GJB6: variants seen among roughly 807,000 people sequenced by gnomAD.
The protein encoded by GJB6 is gap junction protein beta 6.
A neutral mutation model predicts 5.4 loss-of-function variants in GJB6; 5 were observed. The ratio of observed to expected loss-of-function variants is 0.92; its 90% CI spans 0.48 to 1.93. The LOEUF (loss-of-function observed/expected upper bound fraction) is 1.93. GJB6 is among the 30% of genes most tolerant of loss of function. The pLI is 0.01. For synonymous variants in GJB6, 136 were observed against 129.6 expected (o/e 1.05, Z -0.34); for missense variants, 298 against 326.9 (o/e 0.91, Z 0.68).
At chr13:20,231,074 AACAGACAAAGCTCTCC>A (rs1870050795) in intron 2 of GJB6, 2 of 152,326 alleles carry the variant, frequency 1.3e-5, no homozygotes, top group African/African-American at 4.8e-5. Context: ...GGATCCAAAC[AACAGACAAAGCTCTCC>A]ACAGGAGCAG....
intron 4 of GJB6, among the ~76,000 whole-genome samples, chr13:20,227,966 G>A (rs1264113822): frequency 6.6e-6 from 1 of 151,878 alleles, no homozygotes; most frequent in East Asian, 1.9e-4. Flanking sequence ...CTGCAGAGGG[G>A]CCCAGAGGAA....
rs1869945343 is a variant in GJB6, at chr13:20,229,752, G to A, written c.-185-3C>T. ...TGCTCGGTCAGTGAGGATGTCGCCT[G>A]TTGAGGGAAAAATAGTAGCTGTTGC... On this transcript the variant is annotated splice_region_variant and splice_polypyrimidine_tract_variant and intron_variant, in intron 3 of 4. Transcript: ENST00000647029. 1 of 149,222 alleles carries A rather than the reference G, an allele frequency of 6.7e-6. No homozygotes were observed. The highest frequency in any genetic ancestry group is 1.5e-5 in the Non-Finnish European group (1 of 67,588). 9.2% of individuals were successfully genotyped at this position (149,222 alleles called of 1,614,324 possible). A position where few individuals can be genotyped will look rare whatever the true frequency, so the allele number is the denominator to read the frequency against.
intron 4 of GJB6, among the ~76,000 whole-genome samples, chr13:20,227,342 A>G (rs1337251344): frequency 2.0e-5 from 3 of 152,194 alleles, no homozygotes; most frequent in Non-Finnish European, 2.9e-5. Context: ...AAGAAAAGTA[A>G]AGGAGATGCC....
At chr13:20,228,827 G>C (rs1175806766) in intron 4 of GJB6, among the ~76,000 whole-genome samples, 2 of 151,982 alleles carry the variant, frequency 1.3e-5, no homozygotes, top group Non-Finnish European at 2.9e-5. Context: ...GAAATATCTA[G>C]CTCTAAAAAT....
chr13:20,225,915 T>A (rs1208147140), intron 4 of GJB6, among the ~76,000 whole-genome samples: 1 of 152,196 alleles, frequency 6.6e-6, no homozygotes, highest in Non-Finnish European at 1.5e-5. Context: ...ATATCAGTAT[T>A]CCTTAGGAGG....
chr13:20,228,710 T>G (rs969347753), intron 4 of GJB6, among the ~76,000 whole-genome samples: 4 of 150,904 alleles, frequency 2.7e-5, no homozygotes, highest in Admixed American at 1.3e-4. Flanking sequence ...GGTCTCGATC[T>G]CCTGACCTCA....
intron 4 of GJB6, among the ~76,000 whole-genome samples, chr13:20,224,407 C>G (rs963460910): frequency 2.0e-5 from 3 of 152,192 alleles, no homozygotes; most frequent in African/African-American, 7.2e-5. Flanking sequence ...AAAGCCTCTT[C>G]TAAAAGAGAT....
chr13:20,223,132 C>G lies in GJB6; in HGVS notation c.349G>C (p.Asp117His), dbSNP rs757539461. Residue 117 changes from aspartate to histidine, a missense_variant, in exon 5 of 5, where the codon GAC (aspartate) becomes CAC (histidine). Transcript: ENST00000647029. Reference protein sequence around the residue: ...RRGEKRNDFKDIEDIKKQKVR... With the variant: ...RRGEKRNDFKHIEDIKKQKVR... The stretch of plus-strand genomic sequence containing the variant: ...TTCTGCTTTTTAATGTCCTCTATGT[C>G]TTTGAAATCATTCCTCTTCTCTCCT... 8 of 1,613,940 alleles carry G rather than the reference C, an allele frequency of 5.0e-6. No individual in the cohort carries two copies. Among genetic ancestry groups the G allele is most frequent in the Non-Finnish European group, 4.2e-6 (5 of 1,179,914 alleles).
intron 2 of GJB6, 183 bp from the exon 3 acceptor site, chr13:20,230,990 G>T (rs1361115834): frequency 6.6e-6 from 1 of 152,246 alleles, no homozygotes; most frequent in African/African-American, 2.4e-5. Flanking sequence ...ACAGGCTAGA[G>T]CCCTGGTGTT....
rs1869874003 is a variant in GJB6, at chr13:20,229,150, A to AAAAAAAAAT, written c.-16+429_-16+430insATTTTTTTT. ...AAAAAAAAAAAAAAAAAAAAAAAAA[A>AAAAAAAAAT]TTTTTTTTTTTTTTTTTAGACAGAG... On this transcript the variant is annotated intron_variant, in intron 4 of 4. Coordinates refer to ENST00000647029, the MANE Select transcript of GJB6 (RefSeq NM_001110219.3). Among the ~76,000 whole-genome samples the AAAAAAAAAT allele has an allele frequency of 2.0e-3, 124 of 62,186 alleles. 3 individuals carry two copies. The highest frequency in any genetic ancestry group is 9.2e-3 in the African/African-American group (115 of 12,548). The allele number at this position is 62,186 out of a possible 152,430, so 40.8% of individuals were successfully genotyped here.
chr13:20,230,751 T>C lies in GJB6; in HGVS notation c.-239A>G, dbSNP rs916338178. The C allele has an allele frequency of 6.6e-6, 1 of 152,378 alleles. No individual in the cohort carries two copies. Among genetic ancestry groups the C allele is most frequent in the African/African-American group, 2.4e-5 (1 of 41,590 alleles). The allele number at this position is 152,378 out of a possible 1,614,324, so 9.4% of individuals were successfully genotyped here. On this transcript the variant is annotated 5_prime_UTR_variant, in exon 3 of 5. Transcript: ENST00000647029. ...CATGAAGAGGGCGTACAAGTTAGAA[T>C]TTTTCTTTCGCCATACAGAAATTGT...
At position 20,222,321 on chromosome 13, in the gene GJB6, A is replaced by G. The variant is rs550490458; in HGVS notation, c.*374T>C. ...ATATAAATTCAAAGTCAGAACTAAA[A>G]ACATCCAAGCCTATAAAAATATCTT... is the stretch of plus-strand genomic sequence containing the variant. On this transcript the variant is annotated 3_prime_UTR_variant, in exon 5 of 5. Transcript: ENST00000647029. 2.6e-5 allele frequency: 5 copies of G among 191,822 alleles called. No individual in the cohort carries two copies. Among genetic ancestry groups the G allele is most frequent in the Admixed American group, 1.6e-4 (3 of 18,650 alleles). 11.9% of individuals were successfully genotyped at this position (191,822 alleles called of 1,614,324 possible).
intron 1 of GJB6, 31 bp downstream of exon 1, chr13:20,232,163 C>CG (rs993397521): frequency 1.3e-5 from 2 of 152,114 alleles, no homozygotes; most frequent in Non-Finnish European, 2.9e-5. Flanking sequence ...GCTCGCCCCC[C>CG]GCAAGACCCA....
In GJB6 at chr13:20,222,587, A is replaced by T. The variant is rs879586216; in HGVS notation, c.*108T>A. On this transcript the variant is annotated 3_prime_UTR_variant, in exon 5 of 5. Transcript: ENST00000647029. Reference sequence around the variant, plus strand: ...AACTCAAGTGTCTATTTATTATGAAAGTCATTTACAAACTCTTCAGGCTAC... The same window carrying T: ...AACTCAAGTGTCTATTTATTATGAATGTCATTTACAAACTCTTCAGGCTAC... 4.5e-6 allele frequency: 4 copies of T among 882,342 alleles called. No homozygotes were observed. The highest frequency in any genetic ancestry group is 5.7e-6 in the Non-Finnish European group (3 of 527,744). 54.7% of individuals were successfully genotyped at this position (882,342 alleles called of 1,614,324 possible).
chr13:20,226,318 G>T (rs976693857), intron 4 of GJB6, among the ~76,000 whole-genome samples: 6 of 151,792 alleles, frequency 4.0e-5, no homozygotes, highest in South Asian at 2.1e-4. Flanking sequence ...AAATTGAAAT[G>T]GGCTACCCTT....
chr13:20,228,773 C>T (rs529907064), intron 4 of GJB6, among the ~76,000 whole-genome samples: 54 of 152,044 alleles, frequency 3.6e-4, no homozygotes, highest in Non-Finnish European at 6.3e-4. Flanking sequence ...CATGAGCCAC[C>T]GCGCCCGGCC....
In GJB6 at chr13:20,229,348, G is replaced by A. The variant is rs1198606873; in HGVS notation, c.-16+232C>T. ...TTTTTTTTTTTTTTTTTTTTTTTTA[G>A]TAGTGACAGGGTTTTGCCACCTTGG... On this transcript the variant is annotated intron_variant, in intron 4 of 4. Coordinates refer to ENST00000647029, the MANE Select transcript of GJB6 (RefSeq NM_001110219.3). Among the ~76,000 whole-genome samples the A allele has an allele frequency of 5.2e-3, 333 of 63,726 alleles. 2 individuals are homozygous for A. The highest frequency in any genetic ancestry group is 0.018 in the African/African-American group (312 of 16,894). 41.8% of individuals were successfully genotyped at this position (63,726 alleles called of 152,430 possible). A position where few individuals can be genotyped will look rare whatever the true frequency, so the allele number is the denominator to read the frequency against.
At chr13:20,229,242 C>T (rs1472931868) in intron 4 of GJB6, among the ~76,000 whole-genome samples, 4 of 148,274 alleles carry the variant, frequency 2.7e-5, no homozygotes, top group Non-Finnish European at 4.5e-5. Context: ...TCTGCCTCCC[C>T]GGTTCTAGTG....
intron 4 of GJB6, 141 bp from the exon 5 acceptor site, chr13:20,223,636 T>C (rs1869382964): frequency 1.4e-6 from 1 of 734,562 alleles, no homozygotes; most frequent in African/African-American, 1.7e-5. Flanking sequence ...CCTGCTAGTC[T>C]GAGGTTTTCT....
Sources: allele counts gnomAD v4.1 joint callset (sites outside exome capture counted in the v4.1 genomes callset), GRCh38; gene constraint gnomAD v4.1.1; transcripts MANE v1.5; gene names NCBI Gene and HGNC (gene_info 2026-07-23, HGNC 2026-07-21).